Variants in VAT1L observed in about 807,000 individuals in gnomAD.
The protein encoded by VAT1L is putative NADPH-dependent quinone oxidoreductase VAT1L.
VAT1L carries 34 observed loss-of-function variants against 44.1 expected under a neutral mutation model. The ratio of observed to expected loss-of-function variants is 0.77; its 90% confidence interval spans 0.59 to 1.03. VAT1L has a LOEUF of 1.03. Among genes scored for constraint, VAT1L ranks in the 50% least tolerant of loss-of-function variants. The pLI, the probability that VAT1L is intolerant of heterozygous loss-of-function variation, is 0.00. For missense variants in VAT1L, 615 were observed against 538.8 expected (o/e 1.14, Z -1.40); for synonymous variants, 253 against 202.2 (o/e 1.25, Z -2.13).
chr16:77,863,068 C>T (rs1374547161), intron 4 of VAT1L, among the ~76,000 whole-genome samples, 178 bp downstream of exon 4: 1 of 152,192 alleles, frequency 6.6e-6, no homozygotes, highest in Non-Finnish European at 1.5e-5. Context: ...TCCTCTTAAC[C>T]TCACTATTAT....
In VAT1L at chr16:77,884,636, T is replaced by A. The variant is rs1247728198; in HGVS notation, c.911T>A (p.Ile304Asn). The change falls in exon 7 of 9, where the codon ATC becomes AAC. Residue 304 changes from isoleucine (I) to asparagine (N), a missense_variant. Ile to Asn is a moderately radical substitution (Grantham distance 149). Coordinates refer to ENST00000302536, the MANE Select transcript of VAT1L (RefSeq NM_020927.3). The surrounding 1 kb of genome is among the most constrained non-coding windows in gnomAD (Gnocchi z 4.5). ...SWWQVEKVNP[I>N]KLYEENKVIA... ...TGGCAGGTGGAGAAGGTGAACCCCA[T>A]CAAGCTGTATGAGGAGAACAAAGTC... 1 of 1,613,540 alleles carries A rather than the reference T, an allele frequency of 6.2e-7. No individual in the cohort carries two copies. Among genetic ancestry groups the A allele is most frequent in the African/African-American group, 1.3e-5 (1 of 74,968 alleles).
At chr16:77,941,654 T>G (rs1262180309) in intron 7 of VAT1L, among the ~76,000 whole-genome samples, 3 of 152,152 alleles carry the variant, frequency 2.0e-5, no homozygotes, top group Non-Finnish European at 4.4e-5. Context: ...GGCATGATCT[T>G]GGCTCGCTGC....
chr16:77,966,513 G>C (rs1295316306), intron 7 of VAT1L, among the ~76,000 whole-genome samples: 1 of 152,140 alleles, frequency 6.6e-6, no homozygotes, highest in Non-Finnish European at 1.5e-5. Flanking sequence ...TGGTGGACGT[G>C]AGTGTGTGAT....
At chr16:77,909,920 G>A (rs1049694994) in intron 7 of VAT1L, among the ~76,000 whole-genome samples, 4 of 152,132 alleles carry the variant, frequency 2.6e-5, no homozygotes, top group Admixed American at 6.5e-5. Context: ...TCGTAAGAAC[G>A]GCTCCTGCGA....
At chr16:77,903,897 C>T (rs2017411343) in intron 7 of VAT1L, among the ~76,000 whole-genome samples, 1 of 151,802 alleles carries the variant, frequency 6.6e-6, no homozygotes, top group African/African-American at 2.4e-5. Context: ...CCACCACGCC[C>T]AGCTAATTTT....
intron 7 of VAT1L, among the ~76,000 whole-genome samples, chr16:77,962,520 C>T (rs994576332): frequency 6.6e-6 from 1 of 152,110 alleles, no homozygotes; most frequent in East Asian, 1.9e-4. Context: ...AAACAGAACC[C>T]AGTTGGAGTC....
rs565985439 is a variant in VAT1L, at chr16:77,879,849, T to C, written c.882+625T>C. On this transcript the variant is annotated intron_variant, in intron 6 of 8. Transcript: ENST00000302536. The surrounding 1 kb of genome is among the most constrained non-coding windows in gnomAD (Gnocchi z 4.1). Reference sequence around the variant, plus strand: ...CTTAGCATTAGTGCATTTTCTTTGCTCCATAGAGCGGCCAGCCTTTCACTT... The same window carrying C: ...CTTAGCATTAGTGCATTTTCTTTGCCCCATAGAGCGGCCAGCCTTTCACTT... 2.6e-5 allele frequency among the ~76,000 whole-genome samples: 4 copies of C among 152,328 alleles called. No homozygotes were observed.
chr16:77,865,604 G>C (rs1348418581), intron 4 of VAT1L, among the ~76,000 whole-genome samples: 7 of 152,184 alleles, frequency 4.6e-5, no homozygotes. Flanking sequence ...GAAATGCAAG[G>C]TGCTATCGAA....
intron 7 of VAT1L, chr16:77,892,918 A>T: frequency 9.8e-7 from 1 of 1,024,964 alleles, no homozygotes; most frequent in Non-Finnish European, 1.5e-6. Flanking sequence ...AAATCTAATA[A>T]GTTTGACTTG....
chr16:77,880,316 C>T (rs567387535), intron 6 of VAT1L, among the ~76,000 whole-genome samples: 2 of 152,054 alleles, frequency 1.3e-5, no homozygotes, highest in East Asian at 1.9e-4. Context: ...GCCACTATAC[C>T]CAGCGAATTT....
At chr16:77,878,459 T>TC (rs2017112582) in intron 5 of VAT1L, among the ~76,000 whole-genome samples, 2 of 151,786 alleles carry the variant, frequency 1.3e-5, no homozygotes, top group Admixed American at 1.3e-4. Flanking sequence ...GCTCTCTCAT[T>TC]CCCCCCTCCC....
chr16:77,956,508 C>T (rs935870370), intron 7 of VAT1L, among the ~76,000 whole-genome samples: 1 of 152,230 alleles, frequency 6.6e-6, no homozygotes, highest in Non-Finnish European at 1.5e-5. Context: ...TCATGAGCAA[C>T]GGCCTCCACC....
At chr16:77,881,792 C>T (rs1467096984) in intron 6 of VAT1L, among the ~76,000 whole-genome samples, 2 of 152,264 alleles carry the variant, frequency 1.3e-5, no homozygotes, top group African/African-American at 2.4e-5. Flanking sequence ...TGAAGACAGG[C>T]TTTGTGCCAT....
chr16:77,936,631 C>T (rs1465780466), intron 7 of VAT1L, among the ~76,000 whole-genome samples: 10 of 152,172 alleles, frequency 6.6e-5, no homozygotes, highest in Non-Finnish European at 1.3e-4. Flanking sequence ...AGCGAGAGAG[C>T]GTGCTTCCTA....
intron 3 of VAT1L, among the ~76,000 whole-genome samples, chr16:77,842,167 G>A (rs1032885918): frequency 3.3e-5 from 5 of 152,152 alleles, no homozygotes; most frequent in South Asian, 2.1e-4. Context: ...GATTACAGGC[G>A]TGAGCCACCG....
At chr16:77,865,931 T>C (rs2016969449) in intron 4 of VAT1L, among the ~76,000 whole-genome samples, 2 of 152,148 alleles carry the variant, frequency 1.3e-5, no homozygotes, top group South Asian at 2.1e-4. Context: ...CTGCCCTAGA[T>C]CTACTCTCTT....
chr16:77,911,890 A>G (rs913599786), intron 7 of VAT1L, among the ~76,000 whole-genome samples: 3 of 152,164 alleles, frequency 2.0e-5, no homozygotes, highest in African/African-American at 7.2e-5. Flanking sequence ...TGTATTTGTC[A>G]AGGGAGGAGG....
intron 7 of VAT1L, among the ~76,000 whole-genome samples, chr16:77,921,376 C>A (rs772158923): frequency 2.6e-5 from 4 of 152,160 alleles, no homozygotes; most frequent in Admixed American, 6.5e-5. Flanking sequence ...CATACGGGTG[C>A]TTGATAACTT....
intron 7 of VAT1L, among the ~76,000 whole-genome samples, chr16:77,924,157 T>C (rs183658951): frequency 6.6e-6 from 1 of 152,236 alleles, no homozygotes; most frequent in East Asian, 1.9e-4. Context: ...CTATATTGAC[T>C]CAGACACCCC....
Sources: gnomAD v4.1 joint callset for allele counts (sites outside exome capture counted in the v4.1 genomes callset) on GRCh38, gnomAD v4.1.1 for gene constraint, Gnocchi (gnomAD v3.1) non-coding constraint, MANE v1.5 for transcripts, NCBI Gene and HGNC (gene_info 2026-07-23, HGNC 2026-07-21) for gene names.